CCDC102B: variants seen among roughly 807,000 people sequenced by gnomAD.
The protein encoded by CCDC102B is coiled-coil domain containing 102B.
Under a neutral mutation model 57.4 loss-of-function variants are expected in CCDC102B, and 75 were observed. That is an observed-to-expected ratio of 1.31 (90% confidence interval 1.08 to 1.58). The LOEUF is 1.58. Among genes scored for constraint, CCDC102B ranks in the 40% most tolerant of loss-of-function variants. The pLI is 0.00. For missense variants in CCDC102B, 636 were observed against 582.6 expected, an observed-to-expected ratio of 1.09 and a Z score of -0.94; for synonymous variants, 206 against 201.9, an observed-to-expected ratio of 1.02 and a Z score of -0.17.
At chr18:68,781,141 T>A (rs1001373813) in intron 2 of CCDC102B, among the ~76,000 whole-genome samples, 1 of 152,062 alleles carries the variant, frequency 6.6e-6, no homozygotes, top group Non-Finnish European at 1.5e-5. Flanking sequence ...GCTAACAACA[T>A]CATGAAAAGT....
At chr18:68,933,798 T>A (rs1178811392) in intron 6 of CCDC102B, among the ~76,000 whole-genome samples, 1 of 151,862 alleles carries the variant, frequency 6.6e-6, no homozygotes, top group East Asian at 1.9e-4. Flanking sequence ...AGCTGAAACT[T>A]TTATGGTCCT....
chr18:68,738,384 A>G (rs1188577567), intron 2 of CCDC102B, among the ~76,000 whole-genome samples: 2 of 152,038 alleles, frequency 1.3e-5, no homozygotes, highest in African/African-American at 4.8e-5. Flanking sequence ...GGAAAGGCAG[A>G]CTCTTACCTG....
At chr18:68,760,014 T>G (rs1261323524) in intron 2 of CCDC102B, among the ~76,000 whole-genome samples, 2 of 152,064 alleles carry the variant, frequency 1.3e-5, no homozygotes, top group South Asian at 4.2e-4. Flanking sequence ...AGGGGCCATT[T>G]CAATTCCAGA....
At chr18:68,774,111 A>C (rs1271212418) in intron 2 of CCDC102B, among the ~76,000 whole-genome samples, 1 of 152,016 alleles carries the variant, frequency 6.6e-6, no homozygotes, top group Non-Finnish European at 1.5e-5. Context: ...CTTTGAAGTT[A>C]TAATTTTTAT....
chr18:68,841,150 T>A (rs1044812597), intron 3 of CCDC102B, among the ~76,000 whole-genome samples: 1 of 152,182 alleles, frequency 6.6e-6, no homozygotes, highest in South Asian at 2.1e-4. Context: ...TACTTATAAA[T>A]CCATCTAATC....
chr18:69,035,736 T>C (rs1382158836), intron 7 of CCDC102B, among the ~76,000 whole-genome samples: 1 of 152,122 alleles, frequency 6.6e-6, no homozygotes, highest in African/African-American at 2.4e-5. Flanking sequence ...ACCAGAATAT[T>C]TCACTTCCAA....
intron 2 of CCDC102B, among the ~76,000 whole-genome samples, chr18:68,765,320 G>GAAAGAAAAGAAAGAAAGAAAGAAA (rs1568238728): frequency 2.5e-5 from 1 of 40,618 alleles, no homozygotes; most frequent in Non-Finnish European, 5.2e-5. Context: ...AAGGAAGGAA[G>GAAAGAAAAGAAAGAAAGAAAGAAA]GAAGGAAAGA....
chr18:68,898,728 A>G (rs2040328900), intron 6 of CCDC102B, among the ~76,000 whole-genome samples: 1 of 152,138 alleles, frequency 6.6e-6, no homozygotes, highest in African/African-American at 2.4e-5. Flanking sequence ...CCCACCCAGC[A>G]TGGGCTTAGA....
At chr18:68,756,215 T>G (rs1754358789) in intron 2 of CCDC102B, among the ~76,000 whole-genome samples, 1 of 151,916 alleles carries the variant, frequency 6.6e-6, no homozygotes, top group African/African-American at 2.4e-5. Flanking sequence ...ATGAGTAAAT[T>G]TACTTAGGAT....
At chr18:69,004,335 G>C (rs187026443) in intron 6 of CCDC102B, among the ~76,000 whole-genome samples, 39 of 152,276 alleles carry the variant, frequency 2.6e-4, no homozygotes, top group Non-Finnish European at 5.0e-4. Context: ...TGGGACCTCA[G>C]CTGATCCTTG....
At chr18:68,815,352 A>C (rs1389968055) in intron 1 of CCDC102B, among the ~76,000 whole-genome samples, 2 of 152,228 alleles carry the variant, frequency 1.3e-5, no homozygotes, top group African/African-American at 4.8e-5. Flanking sequence ...GACACAGATA[A>C]ACTGCAGGTA....
rs1491214276 is a variant in CCDC102B, at chr18:68,765,331, AAG to A, written c.-67+48739_-67+48740del. The stretch of plus-strand genomic sequence containing the variant: ...AAGGAAGGAAGGAAGGAAGGAAAGA[AAG>A]AAAGAAAGAAAGAAAGAAAGAAAGA... On this transcript the variant is annotated intron_variant, in intron 2 of 3. Coordinates refer to the CCDC102B transcript ENST00000578970. Among the ~76,000 whole-genome samples the A allele has an allele frequency of 6.0e-3, 556 of 92,986 alleles. 8 individuals carry two copies. Among genetic ancestry groups the A allele is most frequent in the East Asian group, 0.019 (52 of 2,718 alleles). 61.0% of individuals were successfully genotyped at this position (92,986 alleles called of 152,430 possible).
chr18:69,033,636 GT>G (rs2052208275), intron 7 of CCDC102B, among the ~76,000 whole-genome samples: 2 of 151,758 alleles, frequency 1.3e-5, no homozygotes, highest in African/African-American at 4.8e-5. Flanking sequence ...TCTTTGTATG[GT>G]TCATTCATCA....
intron 3 of CCDC102B, among the ~76,000 whole-genome samples, chr18:68,845,072 T>C (rs989623902): frequency 6.6e-6 from 1 of 151,936 alleles, no homozygotes; most frequent in Non-Finnish European, 1.5e-5. Flanking sequence ...TTCTTTTATA[T>C]CCTCTTTCAA....
intron 2 of CCDC102B, among the ~76,000 whole-genome samples, chr18:68,775,978 T>C (rs1050859722): frequency 6.6e-6 from 1 of 152,150 alleles, no homozygotes; most frequent in Non-Finnish European, 1.5e-5. Flanking sequence ...ATTCATGATA[T>C]GCAGAGTGAT....
chr18:68,842,281 C>A (rs2037668927), intron 3 of CCDC102B, among the ~76,000 whole-genome samples: 1 of 151,140 alleles, frequency 6.6e-6, no homozygotes, highest in Non-Finnish European at 1.5e-5. Flanking sequence ...ACATGCAAAT[C>A]TGGTTAATAC....
chr18:69,031,362 C>T (rs1280262084), intron 7 of CCDC102B, among the ~76,000 whole-genome samples: 1 of 151,718 alleles, frequency 6.6e-6, no homozygotes, highest in Non-Finnish European at 1.5e-5. Context: ...AATCATAAAA[C>T]TTACTTATTT....
Position 69,010,969 on chromosome 18 carries a change from A to G in CCDC102B, c.1299A>G (p.Leu433=). Residue 433 remains leucine, a synonymous_variant, in exon 7 of 8, where the codon CTA becomes CTG. Transcript: ENST00000360242. ...ACCTTCAACATGCCTACTATAAACT[A>G]AACAGACAATACCAGGCAAATATTG... ...LLNLQHAYYK[L]NRQYQANIAE... The G allele has an allele frequency of 1.2e-6, 2 of 1,612,138 alleles. No homozygotes were observed. Among genetic ancestry groups the G allele is most frequent in the Non-Finnish European group, 8.5e-7 (1 of 1,178,846 alleles).
intron 6 of CCDC102B, among the ~76,000 whole-genome samples, chr18:68,967,334 ATAAC>A (rs369903267): frequency 9.2e-5 from 14 of 152,294 alleles, no homozygotes; most frequent in African/African-American, 3.1e-4. Context: ...ACCTCAAAAA[ATAAC>A]TAACTTGGTG....
Sources: gnomAD v4.1 joint callset for allele counts (sites outside exome capture counted in the v4.1 genomes callset) on GRCh38, gnomAD v4.1.1 for gene constraint, MANE v1.5 for transcripts, NCBI Gene and HGNC (gene_info 2026-07-23, HGNC 2026-07-21) for gene names.